ZYG11A: variants seen among roughly 807,000 people sequenced by gnomAD.
The protein encoded by ZYG11A is protein zyg-11 homolog A.
In ZYG11A, 62 loss-of-function variants were observed where a neutral mutation model predicts 77.2. The ratio of observed to expected loss-of-function variants is 0.80; its 90% confidence interval spans 0.65 to 0.99. The LOEUF (loss-of-function observed/expected upper bound fraction) is 0.99, where lower values mean the gene tolerates loss of function less well. Among genes scored for constraint, ZYG11A ranks in the 50% least tolerant of loss-of-function variants. The probability of loss-of-function intolerance (pLI) is 0.00; values close to 1 mark genes in which losing one functional copy is unlikely to be tolerated. For synonymous variants in ZYG11A, 315 were observed against 324.6 expected (o/e 0.97, Z 0.32); for missense variants, 828 against 896.8 (o/e 0.92, Z 0.98).
At chr1:52,884,293 G>A (rs537550112) in intron 11 of ZYG11A, among the ~76,000 whole-genome samples, 1 of 152,048 alleles carries the variant, frequency 6.6e-6, no homozygotes, top group Non-Finnish European at 1.5e-5. Context: ...TCTGGAGATC[G>A]AGATCCTCCT....
chr1:52,872,175 C>G (rs1646179651), intron 8 of ZYG11A, among the ~76,000 whole-genome samples: 1 of 152,168 alleles, frequency 6.6e-6, no homozygotes, highest in African/African-American at 2.4e-5. Context: ...AATCTCGGCT[C>G]ACTGCAACCT....
At chr1:52,858,737 C>T (rs771828890) in intron 3 of ZYG11A, among the ~76,000 whole-genome samples, 8 of 151,808 alleles carry the variant, frequency 5.3e-5, no homozygotes, top group African/African-American at 1.2e-4. Flanking sequence ...CTCAGCTTCC[C>T]GAATAGCTGG....
At chr1:52,862,155 GC>G (rs1452134100) in intron 4 of ZYG11A, among the ~76,000 whole-genome samples, 2 of 151,694 alleles carry the variant, frequency 1.3e-5, no homozygotes, top group Non-Finnish European at 2.9e-5. Context: ...GTTGCAGTGA[GC>G]CGAGATGATA....
In ZYG11A at chr1:52,894,754, T is replaced by C. The variant is rs1031641638; in HGVS notation, c.*1797T>C. On this transcript the variant is annotated 3_prime_UTR_variant, in exon 14 of 14. Transcript: ENST00000371528. ...TTTGTAACCTTACTTCCTTCCATAG[T>C]CCTTAAACTGTACTGTATTTTTTCA... 1 of 152,224 alleles carries C rather than the reference T, an allele frequency of 6.6e-6. No homozygotes were observed. The highest frequency in any genetic ancestry group is 1.5e-5 in the Non-Finnish European group (1 of 68,054). The allele number at this position is 152,224 out of a possible 1,614,324, so 9.4% of individuals were successfully genotyped here. A position where few individuals can be genotyped will look rare whatever the true frequency, so the allele number is the denominator to read the frequency against.
chr1:52,887,185 T>C (rs1017102937), intron 13 of ZYG11A, 132 bp downstream of exon 13: 14 of 399,742 alleles, frequency 3.5e-5, no homozygotes, highest in African/African-American at 2.8e-4. Context: ...AAAAAGAAAC[T>C]GAAAAAAGAT....
intron 10 of ZYG11A, among the ~76,000 whole-genome samples, chr1:52,880,227 T>C (rs1646340872): frequency 6.6e-6 from 1 of 152,060 alleles, no homozygotes; most frequent in Admixed American, 6.6e-5. Flanking sequence ...ATGAGAGATA[T>C]AGCTGGTCTT....
chr1:52,854,696 C>T, intron 2 of ZYG11A, 66 bp downstream of exon 2: 1 of 1,350,548 alleles, frequency 7.4e-7, no homozygotes, highest in Non-Finnish European at 9.8e-7. Flanking sequence ...CACTTTTACA[C>T]ACAATTTCTA....
intron 8 of ZYG11A, among the ~76,000 whole-genome samples, chr1:52,873,110 A>G (rs929064008): frequency 6.6e-6 from 1 of 151,842 alleles, no homozygotes; most frequent in Non-Finnish European, 1.5e-5. Context: ...ACTTGAGGCC[A>G]GGAATTTGAG....
At chr1:52,848,898 A>G (rs899601122) in intron 1 of ZYG11A, among the ~76,000 whole-genome samples, 3 of 152,128 alleles carry the variant, frequency 2.0e-5, no homozygotes, top group African/African-American at 7.2e-5. Flanking sequence ...AGTAAAAAAA[A>G]TGGAGACATC....
At chr1:52,868,405 C>G (rs981893522) in intron 8 of ZYG11A, among the ~76,000 whole-genome samples, 2 of 152,132 alleles carry the variant, frequency 1.3e-5, no homozygotes, top group African/African-American at 2.4e-5. Flanking sequence ...TCCTCTGGTC[C>G]CCAACAAATT....
intron 13 of ZYG11A, among the ~76,000 whole-genome samples, chr1:52,889,713 ATT>A (rs34588418): frequency 9.3e-4 from 124 of 132,674 alleles, no homozygotes; most frequent in African/African-American, 1.1e-3. Flanking sequence ...GCTAAATACC[ATT>A]TTTTTTTTTT....
chr1:52,858,524 C>T (rs184974025), intron 3 of ZYG11A, among the ~76,000 whole-genome samples: 2,134 of 151,348 alleles, frequency 0.014, 23 homozygotes, highest in Middle Eastern at 0.13. Flanking sequence ...GGGCTGGTCT[C>T]GAACTCCTAA....
intron 2 of ZYG11A, 110 bp from the exon 3 acceptor site, chr1:52,856,888 T>C (rs1645822675): frequency 6.1e-6 from 7 of 1,156,472 alleles, no homozygotes; most frequent in East Asian, 5.2e-5. Flanking sequence ...GAGCAGTAAA[T>C]GTTGTCATTA....
At chr1:52,868,028 G>A (rs1188473876) in intron 8 of ZYG11A, among the ~76,000 whole-genome samples, 2 of 126,496 alleles carry the variant, frequency 1.6e-5, no homozygotes, top group Admixed American at 7.9e-5. Context: ...GTGCAGTGGC[G>A]CGATCTCGGC....
At chr1:52,872,621 C>T (rs142646414) in intron 8 of ZYG11A, among the ~76,000 whole-genome samples, 3 of 150,562 alleles carry the variant, frequency 2.0e-5, no homozygotes, top group Non-Finnish European at 4.4e-5. Context: ...TGGCTCACGC[C>T]TGCAATCCCA....
chr1:52,865,493 A>G (rs1400594120), intron 5 of ZYG11A, among the ~76,000 whole-genome samples: 1 of 152,238 alleles, frequency 6.6e-6, no homozygotes, highest in Non-Finnish European at 1.5e-5. Flanking sequence ...AAATGAAAGC[A>G]TGTATCCATA....
Position 52,854,473 on chromosome 1 carries a change from A to G in ZYG11A, c.99A>G (p.Ala33=), listed in dbSNP as rs1057281356. ...GGGGTTTTGTTTGCTAGGAAGAGGCATCTCCCTACACTTTGGTCAACATCT... is the reference window on the plus strand; with the variant it reads ...GGGGTTTTGTTTGCTAGGAAGAGGCGTCTCCCTACACTTTGGTCAACATCT... ...ALGCCVVQEE[A]SPYTLVNICL... is the part of the protein sequence containing the mutation. Residue 33 remains alanine (A), a synonymous_variant, in exon 2 of 14, where the codon GCA becomes GCG. Coordinates refer to ENST00000371528, the MANE Select transcript of ZYG11A (RefSeq NM_001004339.3). The G allele has an allele frequency of 5.9e-6, 9 of 1,536,234 alleles. No individual in the cohort carries two copies. The highest frequency in any genetic ancestry group is 5.5e-5 in the African/African-American group (4 of 72,696).
intron 1 of ZYG11A, among the ~76,000 whole-genome samples, chr1:52,851,360 T>C (rs1645707013): frequency 6.6e-6 from 1 of 152,092 alleles, no homozygotes; most frequent in South Asian, 2.1e-4. Context: ...TTTTCATATA[T>C]GTGTGCATAT....
chr1:52,888,638 A>G (rs184003309), intron 13 of ZYG11A, among the ~76,000 whole-genome samples: 138 of 152,312 alleles, frequency 9.1e-4, no homozygotes, highest in Non-Finnish European at 3.2e-4. Flanking sequence ...AATTACAAGC[A>G]TGAGACACTG....
Sources: gnomAD v4.1 joint callset for allele counts (sites outside exome capture counted in the v4.1 genomes callset) on GRCh38, gnomAD v4.1.1 for gene constraint, MANE v1.5 for transcripts, NCBI Gene and HGNC (gene_info 2026-07-23, HGNC 2026-07-21) for gene names.